Variants in FBXO25 observed in about 807,000 individuals in gnomAD.
The protein encoded by FBXO25 is F-box protein 25.
In FBXO25, 45 loss-of-function variants were observed where a neutral mutation model predicts 51.9. The ratio of observed to expected loss-of-function variants is 0.87; its 90% CI spans 0.68 to 1.11. FBXO25 has a LOEUF of 1.11. Among genes scored for constraint, FBXO25 ranks in the 50% most tolerant of loss-of-function variants. The pLI is 0.00. For missense variants in FBXO25, 507 were observed against 428.5 expected, an observed-to-expected ratio of 1.18 and a Z score of -1.62; for synonymous variants, 199 against 151.0, an observed-to-expected ratio of 1.32 and a Z score of -2.33.
chr8:425,337 A>C (rs141982804), intron 2 of FBXO25, among the ~76,000 whole-genome samples: 9,226 of 150,580 alleles, frequency 0.061, 312 homozygotes, highest in Middle Eastern at 0.08. Flanking sequence ...TTTTCTCTCT[A>C]TCCCTTTCTT....
At chr8:416,678 A>C (rs1796824084) in intron 2 of FBXO25, among the ~76,000 whole-genome samples, 1 of 152,166 alleles carries the variant, frequency 6.6e-6, no homozygotes, top group Admixed American at 6.5e-5. Context: ...GGTAGATAAA[A>C]TCTACCCAGG....
chr8:446,460 G>C (rs989727816), intron 5 of FBXO25, among the ~76,000 whole-genome samples: 4 of 152,156 alleles, frequency 2.6e-5, no homozygotes, highest in Admixed American at 1.3e-4. Flanking sequence ...TCTCAGTCTA[G>C]GATTCAGATT....
At position 450,023 on chromosome 8, in the gene FBXO25, T is replaced by C. The variant is rs1439089949; in HGVS notation, c.415T>C (p.Ser139Pro). 1 of 1,612,278 alleles carries C rather than the reference T, an allele frequency of 6.2e-7. No individual in the cohort carries two copies. Among genetic ancestry groups the C allele is most frequent in the Admixed American group, 1.7e-5 (1 of 59,556 alleles). ...LQLIAKSQLT[S>P]LSGVAQKNYF... ...GCTAATTGCAAAATCCCAGTTAACT[T>C]CATTGAGTGGCGTGGCACAGAAGAA... is the stretch of plus-strand genomic sequence containing the variant. Residue 139 changes from serine (S) to proline (P), a missense_variant, in exon 6 of 10, where the codon TCA becomes CCA. By Grantham distance (74) the Ser-to-Pro change is moderately conservative. Coordinates refer to ENST00000350302, the MANE Select transcript of FBXO25 (RefSeq NM_183420.2).
At chr8:415,564 A>T (rs537877173) in intron 2 of FBXO25, among the ~76,000 whole-genome samples, 1 of 152,336 alleles carries the variant, frequency 6.6e-6, no homozygotes, top group East Asian at 1.9e-4. Context: ...TAAGGGTTTC[A>T]GTAGACAGGT....
intron 2 of FBXO25, among the ~76,000 whole-genome samples, chr8:426,664 T>C (rs1797501373): frequency 2.0e-5 from 3 of 151,640 alleles, no homozygotes; most frequent in Non-Finnish European, 4.4e-5. Flanking sequence ...CCTCATCTGG[T>C]GGACTTTCTG....
At chr8:412,885 C>G (rs900125312) in intron 1 of FBXO25, among the ~76,000 whole-genome samples, 188 bp from the exon 2 acceptor site, 13 of 152,132 alleles carry the variant, frequency 8.5e-5, no homozygotes, top group African/African-American at 2.7e-4. Context: ...GTTTACTTAC[C>G]CCATTTGATC....
chr8:432,504 T>C (rs1019439978), intron 3 of FBXO25, among the ~76,000 whole-genome samples: 3 of 152,210 alleles, frequency 2.0e-5, no homozygotes, highest in African/African-American at 7.2e-5. Context: ...CTTGAAACTT[T>C]TAAGATTTAT....
intron 8 of FBXO25, among the ~76,000 whole-genome samples, chr8:462,279 A>T (rs78999152): frequency 0.021 from 3,137 of 152,300 alleles, 118 homozygotes; most frequent in African/African-American, 0.071. Flanking sequence ...TCTGAGACTT[A>T]TTTAGATAAA....
chr8:440,069 A>T (rs531430603), intron 5 of FBXO25, among the ~76,000 whole-genome samples: 1 of 152,184 alleles, frequency 6.6e-6, no homozygotes, highest in African/African-American at 2.4e-5. Flanking sequence ...TTAGTGAGTG[A>T]CCCTGAGCCC....
intron 7 of FBXO25, among the ~76,000 whole-genome samples, chr8:453,207 G>A (rs910677904): frequency 2.0e-5 from 3 of 152,206 alleles, no homozygotes; most frequent in Admixed American, 6.5e-5. Flanking sequence ...ATAAGAAAGC[G>A]CTGATGATAA....
rs770181228 is a variant in FBXO25 at position 451,437 on chromosome 8, A to G, written c.644A>G (p.Asp215Gly). Residue 215 changes from aspartate (D) to glycine (G), a missense_variant, in exon 7 of 10, where the codon GAT becomes GGT. By Grantham distance (94) the Asp-to-Gly change is moderately conservative. Coordinates refer to ENST00000350302, the MANE Select transcript of FBXO25 (RefSeq NM_183420.2). ...CTCGCCTGGCAACAACAGCTACAGG[A>G]TCTTCAGATGACTAAGGTATAAATA... ...TILAWQQQLQ[D>G]LQMTKQVNNG... 7 of 1,613,760 alleles carry G rather than the reference A, an allele frequency of 4.3e-6. No individual in the cohort carries two copies. The highest frequency in any genetic ancestry group is 1.7e-5 in the Admixed American group (1 of 59,914).
At chr8:444,227 A>G (rs1327146489) in intron 5 of FBXO25, among the ~76,000 whole-genome samples, 2 of 152,206 alleles carry the variant, frequency 1.3e-5, no homozygotes, top group Non-Finnish European at 2.9e-5. Flanking sequence ...TGCCCAGTGA[A>G]GAATACTTTC....
At position 435,569 on chromosome 8, in the gene FBXO25, C is replaced by G. The variant is rs375420921; in HGVS notation, c.289-46C>G. 373 of 1,585,408 alleles carry G rather than the reference C, an allele frequency of 2.4e-4. 4 individuals are homozygous for G. In the South Asian group the frequency reaches 4.1e-3, roughly 18 times the overall value. Reference sequence around the variant, plus strand: ...AATTAATTGACATTAACTGCCAATTCTTTTTGGCTAATTGACTAATTTTAA... The same window carrying G: ...AATTAATTGACATTAACTGCCAATTGTTTTTGGCTAATTGACTAATTTTAA... On this transcript the variant is annotated intron_variant, in intron 4 of 9. Coordinates refer to ENST00000350302, the MANE Select transcript of FBXO25 (RefSeq NM_183420.2).
At chr8:460,273 A>G (rs187869370) in intron 8 of FBXO25, among the ~76,000 whole-genome samples, 1 of 152,172 alleles carries the variant, frequency 6.6e-6, no homozygotes, top group African/African-American at 2.4e-5. Flanking sequence ...GCCATTCTTA[A>G]AAGAGTTGCT....
In FBXO25 at chr8:451,410, T is replaced by C; in HGVS notation, c.617T>C (p.Ile206Thr). The change falls in exon 7 of 10, where the codon ATT becomes ACT. Residue 206 changes from isoleucine to threonine, a missense_variant. Coordinates refer to ENST00000350302, the MANE Select transcript of FBXO25 (RefSeq NM_183420.2). ...INIWICRLET[I>T]LAWQQQLQDL... ...ATTTGGATTTGCCGATTAGAAACTA[T>C]TCTCGCCTGGCAACAACAGCTACAG... 1 of 1,614,002 alleles carries C rather than the reference T, an allele frequency of 6.2e-7. No individual in the cohort carries two copies. Among genetic ancestry groups the C allele is most frequent in the Non-Finnish European group, 8.5e-7 (1 of 1,179,960 alleles).
intron 2 of FBXO25, among the ~76,000 whole-genome samples, chr8:420,750 A>G (rs1797101345): frequency 6.6e-6 from 1 of 152,256 alleles, no homozygotes; most frequent in Non-Finnish European, 1.5e-5. Flanking sequence ...AGGAAGACGA[A>G]CAAATCAGTG....
In FBXO25 at chr8:416,533, A is replaced by C. The variant is rs149486337; in HGVS notation, c.134+3320A>C. On this transcript the variant is annotated intron_variant, in intron 2 of 9. Transcript: ENST00000350302. Reference sequence around the variant, plus strand: ...GTTGATTACCCCCAGGGGTAGAGTCATAGGGATTTTTGTTACATGAGTGGT... The same window carrying C: ...GTTGATTACCCCCAGGGGTAGAGTCCTAGGGATTTTTGTTACATGAGTGGT... Among the ~76,000 whole-genome samples, 491 of 152,290 alleles carry C rather than the reference A, an allele frequency of 3.2e-3. 9 individuals carry two copies. The East Asian group carries it at 0.068, about 21-fold the overall frequency.
At chr8:444,921 C>G (rs1451636998) in intron 5 of FBXO25, among the ~76,000 whole-genome samples, 1 of 152,192 alleles carries the variant, frequency 6.6e-6, no homozygotes, top group Admixed American at 6.6e-5. Flanking sequence ...ATGCGTTTCT[C>G]GGATCAGATT....
At chr8:411,728 A>G (rs758147857) in intron 1 of FBXO25, among the ~76,000 whole-genome samples, 2 of 152,170 alleles carry the variant, frequency 1.3e-5, no homozygotes, top group Admixed American at 6.5e-5. Context: ...AAGGCACTAG[A>G]TAATGGCTTA....
Sources: gnomAD v4.1 joint callset for allele counts (sites outside exome capture counted in the v4.1 genomes callset) on GRCh38, gnomAD v4.1.1 for gene constraint, MANE v1.5 for transcripts, NCBI Gene and HGNC (gene_info 2026-07-23, HGNC 2026-07-21) for gene names.